TMEM132D: variants seen among roughly 807,000 people sequenced by gnomAD.
TMEM132D encodes transmembrane protein 132D.
Under a neutral mutation model 62.3 loss-of-function variants are expected in TMEM132D, and 21 were observed. The observed-to-expected ratio is 0.34, with a 90% CI of 0.24 to 0.49. The LOEUF (loss-of-function observed/expected upper bound fraction) is 0.49. Ranked by LOEUF, TMEM132D falls within the 20% of genes least tolerant of loss-of-function variation. The pLI is 0.99. For missense variants in TMEM132D, 1,346 were observed against 1,402.8 expected (o/e 0.96, Z 0.65); for synonymous variants, 621 against 575.6 (o/e 1.08, Z -1.13).
At chr12:129,147,964 T>C (rs982432442) in intron 5 of TMEM132D, among the ~76,000 whole-genome samples, 1 of 152,210 alleles carries the variant, frequency 6.6e-6, no homozygotes, top group Non-Finnish European at 1.5e-5. Flanking sequence ...ACTTTCTCCG[T>C]GTTGGCCATG....
chr12:129,687,163 C>G (rs1209298075), intron 2 of TMEM132D, among the ~76,000 whole-genome samples: 1 of 152,144 alleles, frequency 6.6e-6, no homozygotes, highest in Non-Finnish European at 1.5e-5. Context: ...GCACCTGTCT[C>G]TTCTGTACTT....
At chr12:129,438,828 G>A (rs567864319) in intron 3 of TMEM132D, among the ~76,000 whole-genome samples, 23 of 152,188 alleles carry the variant, frequency 1.5e-4, no homozygotes, top group South Asian at 6.2e-4. Flanking sequence ...ATTAAGTGTC[G>A]AAAAGAAATA....
Position 129,677,301 on chromosome 12 carries a change from A to C in TMEM132D, c.968+22509T>G, listed in dbSNP as rs531370438. Among the ~76,000 whole-genome samples the C allele has an allele frequency of 2.0e-5, 3 of 152,206 alleles. No individual in the cohort carries two copies. In the South Asian group the frequency reaches 6.2e-4, roughly 32 times the overall value. On this transcript the variant is annotated intron_variant, in intron 2 of 8. Coordinates refer to ENST00000422113, the MANE Select transcript of TMEM132D (RefSeq NM_133448.3). ...TTTAAAACGAGGAGTTTCCCTCCAC[A>C]AGCTCTCTCTTTGTCTCCCACCATC...
intron 3 of TMEM132D, among the ~76,000 whole-genome samples, chr12:129,393,031 C>CT (rs200776984): frequency 2.0e-5 from 3 of 152,228 alleles, no homozygotes; most frequent in Admixed American, 1.3e-4. Flanking sequence ...AACGAACAGA[C>CT]TTTTTTTTCC....
intron 4 of TMEM132D, among the ~76,000 whole-genome samples, chr12:129,245,424 G>A (rs1301016099): frequency 6.6e-6 from 1 of 151,846 alleles, no homozygotes; most frequent in Non-Finnish European, 1.5e-5. Context: ...TTATTCCATT[G>A]TATGTATGTA....
rs115655834 is a variant in TMEM132D at position 129,168,212 on chromosome 12, T to C, written c.1443+41308A>G. 5.0e-3 allele frequency among the ~76,000 whole-genome samples: 758 copies of C among 151,794 alleles called. 9 individuals are homozygous for C. Among genetic ancestry groups the C allele is most frequent in the African/African-American group, 0.017 (720 of 41,262 alleles). Reference sequence around the variant, plus strand: ...TTTAACTATGGTTTCCACTAAGGAGTCTGCTATTTGGGCTCCTCAATCCAT... The same window carrying C: ...TTTAACTATGGTTTCCACTAAGGAGCCTGCTATTTGGGCTCCTCAATCCAT... On this transcript the variant is annotated intron_variant, in intron 5 of 8. Transcript: ENST00000422113.
At chr12:129,141,995 A>G (rs1202767503) in intron 5 of TMEM132D, among the ~76,000 whole-genome samples, 1 of 148,122 alleles carries the variant, frequency 6.8e-6, no homozygotes, top group Admixed American at 6.8e-5. Context: ...AATATATAAC[A>G]ATATTAAATA....
intron 1 of TMEM132D, among the ~76,000 whole-genome samples, chr12:129,756,517 T>C (rs1164164953): frequency 1.3e-5 from 2 of 152,116 alleles, no homozygotes; most frequent in African/African-American, 4.8e-5. Context: ...TGTCAAGGGC[T>C]GGGGAAGTCG....
chr12:129,196,110 G>A (rs973180828), intron 5 of TMEM132D, among the ~76,000 whole-genome samples: 1 of 152,000 alleles, frequency 6.6e-6, no homozygotes, highest in African/African-American at 2.4e-5. Flanking sequence ...CTGGGCGACA[G>A]AGTGAGACTC....
chr12:129,451,849 A>G (rs1182923804), intron 3 of TMEM132D, among the ~76,000 whole-genome samples: 1 of 152,178 alleles, frequency 6.6e-6, no homozygotes, highest in African/African-American at 2.4e-5. Flanking sequence ...CTTGATTGGC[A>G]AGAACTGGGT....
At chr12:129,319,739 T>C (rs1868618932) in intron 4 of TMEM132D, among the ~76,000 whole-genome samples, 1 of 152,198 alleles carries the variant, frequency 6.6e-6, no homozygotes. Context: ...AACATGCACA[T>C]TGTCCCAGAA....
intron 3 of TMEM132D, among the ~76,000 whole-genome samples, chr12:129,522,094 G>T (rs1875865530): frequency 6.6e-6 from 1 of 152,250 alleles, no homozygotes; most frequent in East Asian, 1.9e-4. Context: ...TGCCCGTATT[G>T]CCAGTTTCTC....
At chr12:129,541,067 G>A (rs1436993608) in intron 2 of TMEM132D, among the ~76,000 whole-genome samples, 1 of 152,224 alleles carries the variant, frequency 6.6e-6, no homozygotes, top group Non-Finnish European at 1.5e-5. Context: ...ACGCATGCAT[G>A]CACACATTTC....
chr12:129,861,236 T>C (rs1293206006), intron 1 of TMEM132D, among the ~76,000 whole-genome samples: 5 of 152,218 alleles, frequency 3.3e-5, no homozygotes, highest in Non-Finnish European at 7.3e-5. Context: ...GAGAAAATTA[T>C]AAGAAACATA....
At chr12:129,741,065 T>C (rs933204294) in intron 1 of TMEM132D, among the ~76,000 whole-genome samples, 3 of 152,250 alleles carry the variant, frequency 2.0e-5, no homozygotes. Flanking sequence ...GAGGAATTTC[T>C]ACATTGACTT....
chr12:129,418,967 C>T (rs1266936004), intron 3 of TMEM132D, among the ~76,000 whole-genome samples: 2 of 152,100 alleles, frequency 1.3e-5, no homozygotes, highest in African/African-American at 4.8e-5. Context: ...CCAAGGGCTG[C>T]CCCACCGCAG....
At chr12:129,763,184 C>T (rs1870439645) in intron 1 of TMEM132D, among the ~76,000 whole-genome samples, 1 of 152,138 alleles carries the variant, frequency 6.6e-6, no homozygotes, top group South Asian at 2.1e-4. Flanking sequence ...CTCAGCTGAT[C>T]CTCCCATCTC....
intron 7 of TMEM132D, among the ~76,000 whole-genome samples, chr12:129,080,586 T>G (rs1304770441): frequency 6.6e-6 from 1 of 152,236 alleles, no homozygotes; most frequent in South Asian, 2.1e-4. Context: ...TAATGATTCC[T>G]CATGCACAGC....
intron 5 of TMEM132D, chr12:129,111,792 C>T (rs563065337): frequency 9.2e-5 from 14 of 152,188 alleles, no homozygotes; most frequent in Admixed American, 9.2e-4. Context: ...AGACAGTAAT[C>T]TTTACTAGGC....
Sources: allele counts gnomAD v4.1 joint callset (sites outside exome capture counted in the v4.1 genomes callset), GRCh38; gene constraint gnomAD v4.1.1; transcripts MANE v1.5; gene names NCBI Gene and HGNC (gene_info 2026-07-23, HGNC 2026-07-21).